NLGN1: variants seen among roughly 807,000 people sequenced by gnomAD.
NLGN1 encodes the protein neuroligin 1, also known as neuroligin-1.
A neutral mutation model predicts 65.5 loss-of-function variants in NLGN1; 12 were observed. The ratio of observed to expected loss-of-function variants is 0.18; its 90% CI spans 0.12 to 0.30. The LOEUF is 0.30. Among genes scored for constraint, NLGN1 ranks in the 10% least tolerant of loss-of-function variants. The pLI is 1.00. For missense variants in NLGN1, 750 were observed against 1,007.1 expected (o/e 0.74, Z 3.46); for synonymous variants, 350 against 359.5 (o/e 0.97, Z 0.30).
chr3:173,432,609 T>G (rs962553377), intron 1 of NLGN1, among the ~76,000 whole-genome samples: 1 of 152,212 alleles, frequency 6.6e-6, no homozygotes, highest in African/African-American at 2.4e-5. Context: ...AAGAGTTCCT[T>G]GTATATTTTG....
intron 4 of NLGN1, among the ~76,000 whole-genome samples, chr3:173,989,957 G>C (rs1331892075): frequency 6.6e-6 from 1 of 152,148 alleles, no homozygotes; most frequent in Non-Finnish European, 1.5e-5. Flanking sequence ...TGGATCACCA[G>C]CTCACTTACA....
chr3:174,043,620 C>G (rs1579960577), intron 4 of NLGN1, among the ~76,000 whole-genome samples: 1 of 152,230 alleles, frequency 6.6e-6, no homozygotes, highest in Admixed American at 6.5e-5. Flanking sequence ...CATGCTGATG[C>G]AAGAGGTGGG....
intron 4 of NLGN1, among the ~76,000 whole-genome samples, chr3:174,036,728 A>AT (rs1275210957): frequency 7.9e-5 from 12 of 151,188 alleles, no homozygotes; most frequent in Admixed American, 2.0e-4. Flanking sequence ...CCCATTAGTT[A>AT]TTTTTTCAGA....
rs769516741 is a variant in NLGN1, at chr3:173,950,808, C to CA, written c.646+142990dup. Among the ~76,000 whole-genome samples the CA allele has an allele frequency of 1.0e-2, 967 of 96,750 alleles. 8 individuals carry two copies. Among genetic ancestry groups the CA allele is most frequent in the African/African-American group, 0.027 (689 of 25,916 alleles). The allele number at this position is 96,750 out of a possible 152,430, so 63.5% of individuals were successfully genotyped here. On this transcript the variant is annotated intron_variant, in intron 4 of 6. Transcript: ENST00000457714. Reference sequence around the variant, plus strand: ...TTGGCGACAGAGTAAGACTTCGTCTCAAAAAAAAAAAAAAGGTCCTAAATA... The same window carrying CA: ...TTGGCGACAGAGTAAGACTTCGTCTCAAAAAAAAAAAAAAAGGTCCTAAATA...
chr3:173,739,386 C>CGAACAAAAG (rs397697258), intron 3 of NLGN1, among the ~76,000 whole-genome samples: 2 of 151,872 alleles, frequency 1.3e-5, no homozygotes, highest in Non-Finnish European at 2.9e-5. Context: ...TATTTTAACC[C>CGAACAAAAG]GAACAAAAGG....
chr3:173,715,670 A>G (rs1034348568), intron 3 of NLGN1, among the ~76,000 whole-genome samples: 2 of 152,144 alleles, frequency 1.3e-5, no homozygotes, highest in Admixed American at 6.6e-5. Context: ...CTGATATCAC[A>G]ATGCTGGGAA....
At chr3:173,539,630 A>G (rs1440927191) in intron 2 of NLGN1, among the ~76,000 whole-genome samples, 6 of 132,852 alleles carry the variant, frequency 4.5e-5, no homozygotes, top group Admixed American at 7.8e-5. Context: ...ATATTTATAT[A>G]TACACATATA....
intron 4 of NLGN1, among the ~76,000 whole-genome samples, chr3:174,117,205 A>G (rs1716672169): frequency 6.8e-6 from 1 of 147,800 alleles, no homozygotes; most frequent in African/African-American, 2.6e-5. Context: ...TGTCTGTAAT[A>G]GGCATCTATC....
intron 1 of NLGN1, among the ~76,000 whole-genome samples, chr3:173,421,766 C>T (rs890631979): frequency 2.0e-5 from 3 of 152,038 alleles, no homozygotes; most frequent in African/African-American, 7.2e-5. Flanking sequence ...AGTGATCCTC[C>T]CGCCTCAGCC....
intron 3 of NLGN1, among the ~76,000 whole-genome samples, chr3:173,774,305 G>GT: frequency 6.6e-6 from 1 of 152,288 alleles, no homozygotes. Context: ...TATGTAAAAT[G>GT]TAAGTGGGGG....
intron 4 of NLGN1, among the ~76,000 whole-genome samples, chr3:174,005,827 G>A (rs1182143210): frequency 1.3e-5 from 2 of 152,094 alleles, no homozygotes; most frequent in South Asian, 4.1e-4. Context: ...GATAAAATAT[G>A]TCGTCTATCT....
chr3:173,496,507 T>C (rs990236012), intron 2 of NLGN1, among the ~76,000 whole-genome samples: 1 of 151,886 alleles, frequency 6.6e-6, no homozygotes, highest in East Asian at 1.9e-4. Context: ...AATGTTTTTA[T>C]AAAACATGGG....
At chr3:173,795,833 A>G (rs1278092132) in intron 3 of NLGN1, among the ~76,000 whole-genome samples, 1 of 152,106 alleles carries the variant, frequency 6.6e-6, no homozygotes, top group Non-Finnish European at 1.5e-5. Context: ...CAGAACAACA[A>G]TGGCAATATC....
At chr3:173,472,310 C>CTTTT (rs1409121791) in intron 2 of NLGN1, among the ~76,000 whole-genome samples, 1 of 151,480 alleles carries the variant, frequency 6.6e-6, no homozygotes, top group Non-Finnish European at 1.5e-5. Flanking sequence ...TGCAGAAAAA[C>CTTTT]TTCTGCCATT....
intron 2 of NLGN1, among the ~76,000 whole-genome samples, chr3:173,475,563 C>G (rs1044378913): frequency 6.6e-6 from 1 of 152,080 alleles, no homozygotes; most frequent in African/African-American, 2.4e-5. Context: ...ATAATTCTAA[C>G]AAAAAGCAAA....
At position 173,456,268 on chromosome 3, in the gene NLGN1, A is replaced by G. The variant is rs140149655; in HGVS notation, c.-321+21190A>G. Among the ~76,000 whole-genome samples, 220 of 152,268 alleles carry G rather than the reference A, an allele frequency of 1.4e-3. 1 individual carries two copies. The East Asian group carries it at 0.028, about 19-fold the overall frequency. Reference sequence around the variant, plus strand: ...GAAGAGAGTAAAGAGGTGACATGAAACAGTGACAAGACAGGAGGTGAGGAT... The same window carrying G: ...GAAGAGAGTAAAGAGGTGACATGAAGCAGTGACAAGACAGGAGGTGAGGAT... On this transcript the variant is annotated intron_variant, in intron 2 of 6. Transcript: ENST00000457714.
chr3:173,446,215 C>T (rs912334834), intron 2 of NLGN1, among the ~76,000 whole-genome samples: 35 of 103,736 alleles, frequency 3.4e-4, no homozygotes, highest in African/African-American at 5.3e-4. Context: ...TCCCTCCCCC[C>T]TACCCCCACC....
At chr3:173,660,335 C>A (rs149532860) in intron 3 of NLGN1, among the ~76,000 whole-genome samples, 136 of 150,238 alleles carry the variant, frequency 9.1e-4, no homozygotes, top group African/African-American at 3.1e-3. Context: ...GACAGAATAC[C>A]ACAATGGACC....
Position 173,429,060 on chromosome 3 carries a change from C to G in NLGN1, c.-389-5950C>G, listed in dbSNP as rs148961540. On this transcript the variant is annotated intron_variant, in intron 1 of 6. Coordinates refer to ENST00000457714, the Ensembl canonical transcript of NLGN1. ...TTTCTCTAAGTTTGCAATATTTTCT[C>G]TTACTATTTTTTAAATAAGTTTTCT... Among the ~76,000 whole-genome samples the G allele has an allele frequency of 3.6e-3, 554 of 152,118 alleles. 3 individuals are homozygous for G. The highest frequency in any genetic ancestry group is 0.013 in the African/African-American group (538 of 41,548).
Sources: gnomAD v4.1 joint callset for allele counts (sites outside exome capture counted in the v4.1 genomes callset) on GRCh38, gnomAD v4.1.1 for gene constraint, MANE v1.5 for transcripts, NCBI Gene and HGNC (gene_info 2026-07-23, HGNC 2026-07-21) for gene names.